Variants in SLC38A1 observed in about 807,000 individuals in gnomAD.
SLC38A1 encodes the protein solute carrier family 38 member 1.
A neutral mutation model predicts 60.3 loss-of-function variants in SLC38A1; 18 were observed. The ratio of observed to expected loss-of-function variants is 0.30; its 90% CI spans 0.21 to 0.44. SLC38A1 has a LOEUF of 0.44. SLC38A1 is among the 20% of genes least tolerant of loss of function. The probability of loss-of-function intolerance (pLI) is 1.00; values close to 1 mark genes in which losing one functional copy is unlikely to be tolerated. For synonymous variants in SLC38A1, 196 were observed against 212.1 expected (o/e 0.92, Z 0.66); for missense variants, 448 against 587.2 (o/e 0.76, Z 2.45).
intron 1 of SLC38A1, among the ~76,000 whole-genome samples, chr12:46,260,889 G>A (rs763767792): frequency 6.6e-6 from 1 of 152,082 alleles, no homozygotes; most frequent in Non-Finnish European, 1.5e-5. Context: ...ACCTATAGAG[G>A]CAGATTCTTC....
intron 3 of SLC38A1, among the ~76,000 whole-genome samples, chr12:46,234,446 C>CTTTTTTT (rs397791217): frequency 2.8e-5 from 4 of 140,716 alleles, no homozygotes; most frequent in South Asian, 4.4e-4. Flanking sequence ...TTCTTTCTTT[C>CTTTTTTT]TTTTTTTTTT....
chr12:46,189,086 A>G lies in SLC38A1; in HGVS notation c.1363-15T>C. On this transcript the variant is annotated splice_polypyrimidine_tract_variant and intron_variant, in intron 16 of 16. Transcript: ENST00000398637. Reference sequence around the variant, plus strand: ...AAAAGGGCAGCCTGGAGCAAGAGAAAGGCAAGGGTTATTTTCAGTGCAGCA... The same window carrying G: ...AAAAGGGCAGCCTGGAGCAAGAGAAGGGCAAGGGTTATTTTCAGTGCAGCA... 1 of 1,610,810 alleles carries G rather than the reference A, an allele frequency of 6.2e-7. No individual in the cohort carries two copies. Among genetic ancestry groups the G allele is most frequent in the Non-Finnish European group, 8.5e-7 (1 of 1,177,656 alleles).
chr12:46,198,517 A>T, intron 14 of SLC38A1, 108 bp downstream of exon 14: 1 of 688,744 alleles, frequency 1.5e-6, no homozygotes, highest in East Asian at 2.8e-5. Context: ...CAGATTCAAT[A>T]ACCCAGGAAA....
At chr12:46,224,302 C>T (rs1048287433) in intron 5 of SLC38A1, among the ~76,000 whole-genome samples, 5 of 152,026 alleles carry the variant, frequency 3.3e-5, no homozygotes, top group African/African-American at 1.2e-4. Context: ...ATCGAGAGTG[C>T]CCACCAGCAT....
intron 5 of SLC38A1, among the ~76,000 whole-genome samples, chr12:46,220,690 AC>A (rs1207946765): frequency 6.6e-6 from 1 of 152,186 alleles, no homozygotes; most frequent in African/African-American, 2.4e-5. Context: ...GTGTCATTCA[AC>A]CTTTTTGGCA....
chr12:46,253,607 C>A (rs1231006037), intron 1 of SLC38A1, among the ~76,000 whole-genome samples: 2 of 152,138 alleles, frequency 1.3e-5, no homozygotes, highest in East Asian at 3.9e-4. Flanking sequence ...TCATTAAGGT[C>A]TTTATGACCT....
rs140833580 is a variant in SLC38A1 at position 46,190,193 on chromosome 12, T to G, written c.1363-1122A>C. 9.7e-3 allele frequency among the ~76,000 whole-genome samples: 1,468 copies of G among 151,340 alleles called. 22 individuals are homozygous for G. The highest frequency in any genetic ancestry group is 0.034 in the African/African-American group (1,398 of 40,750). ...ATGAGTGAAAACATGCAGTGTTTGG[T>G]TTTTTGTCCTTGTGATAGTTTGCTT... On this transcript the variant is annotated intron_variant, in intron 16 of 16. Coordinates refer to ENST00000398637, the MANE Select transcript of SLC38A1 (RefSeq NM_030674.4).
chr12:46,204,448 T>C lies in SLC38A1; in HGVS notation c.706-31A>G, dbSNP rs760754841. On this transcript the variant is annotated intron_variant, in intron 10 of 16. Transcript: ENST00000398637. ...ATTAAGAAGTATAGTAGAAGCAATA[T>C]GGACTTTAGTAAAGCCAATGAATAA... The C allele has an allele frequency of 1.3e-5, 20 of 1,592,688 alleles. No individual in the cohort carries two copies. The African/African-American group carries it at 2.6e-4, about 20-fold the overall frequency.
intron 5 of SLC38A1, among the ~76,000 whole-genome samples, chr12:46,210,774 C>A (rs12828089): frequency 0.25 from 37,868 of 152,040 alleles, 6,046 homozygotes; most frequent in African/African-American, 0.45. Flanking sequence ...ATGTGTTGTT[C>A]GCCTTCCGCC....
At chr12:46,207,085 A>G in intron 8 of SLC38A1, 70 bp downstream of exon 8, 1 of 1,056,702 alleles carries the variant, frequency 9.5e-7, no homozygotes, top group Non-Finnish European at 1.4e-6. Flanking sequence ...CACAAGCAAG[A>G]ATTTTGATTG....
rs193083243 is a variant in SLC38A1 at position 46,207,435 on chromosome 12, G to A, written c.481+94C>T. On this transcript the variant is annotated intron_variant, in intron 7 of 16. Transcript: ENST00000398637. ...TTCCCTGTGCCATTTTAGCAATGAG[G>A]ATGATAACTGCTTGAATTATGTTAA... 21 of 1,261,236 alleles carry A rather than the reference G, an allele frequency of 1.7e-5. No individual in the cohort carries two copies. The South Asian group carries it at 2.4e-4, about 14-fold the overall frequency. 78.1% of individuals were successfully genotyped at this position (1,261,236 alleles called of 1,614,324 possible). A position where few individuals can be genotyped will look rare whatever the true frequency, so the allele number is the denominator to read the frequency against.
chr12:46,185,250 T>C lies in SLC38A1; in HGVS notation c.*3720A>G, dbSNP rs1402511623. Reference sequence around the variant, plus strand: ...ATGAGGTCCCCGATGATGCTGATGCTACTGGTCTAGGGGCCACACTTTGAG... The same window carrying C: ...ATGAGGTCCCCGATGATGCTGATGCCACTGGTCTAGGGGCCACACTTTGAG... On this transcript the variant is annotated 3_prime_UTR_variant, in exon 17 of 17. Transcript: ENST00000398637. 1 of 152,234 alleles carries C rather than the reference T, an allele frequency of 6.6e-6. No individual in the cohort carries two copies. The highest frequency in any genetic ancestry group is 1.5e-5 in the Non-Finnish European group (1 of 68,092). The allele number at this position is 152,234 out of a possible 1,614,324, so 9.4% of individuals were successfully genotyped here.
intron 16 of SLC38A1, among the ~76,000 whole-genome samples, chr12:46,193,439 T>C (rs189374577): frequency 6.6e-6 from 1 of 152,330 alleles, no homozygotes; most frequent in African/African-American, 2.4e-5. Context: ...TGTAGATGTC[T>C]ATGAGGTCCG....
intron 2 of SLC38A1, among the ~76,000 whole-genome samples, chr12:46,241,863 AG>A (rs1303009642): frequency 4.6e-5 from 7 of 152,226 alleles, no homozygotes; most frequent in Non-Finnish European, 8.8e-5. Flanking sequence ...CAGGGCTGAT[AG>A]AAAGTTAATT....
At chr12:46,249,777 C>T (rs1025832714) in intron 1 of SLC38A1, among the ~76,000 whole-genome samples, 1 of 152,134 alleles carries the variant, frequency 6.6e-6, no homozygotes, top group Non-Finnish European at 1.5e-5. Context: ...ACCCTCTCAA[C>T]ACTAAACCAG....
chr12:46,205,998 G>A lies in SLC38A1; in HGVS notation c.646+82C>T. On this transcript the variant is annotated intron_variant, in intron 9 of 16. Transcript: ENST00000398637. ...TTTGAGTGCATGCAGAGGGGAAGCA[G>A]AGGGCAACACTGTCCATTTTTATTC... 3 of 787,766 alleles carry A rather than the reference G, an allele frequency of 3.8e-6. No individual in the cohort carries two copies. The South Asian group carries it at 4.9e-5, about 13-fold the overall frequency. The allele number at this position is 787,766 out of a possible 1,614,324, so 48.8% of individuals were successfully genotyped here.
At chr12:46,262,095 A>C (rs774579529) in intron 1 of SLC38A1, among the ~76,000 whole-genome samples, 2 of 152,174 alleles carry the variant, frequency 1.3e-5, no homozygotes, top group African/African-American at 4.8e-5. Context: ...GGGCATGGAG[A>C]TGAACCGCTA....
rs1240869073 is a variant in SLC38A1 at position 46,187,044 on chromosome 12, T to C, written c.*1926A>G. On this transcript the variant is annotated 3_prime_UTR_variant, in exon 17 of 17. Coordinates refer to ENST00000398637, the MANE Select transcript of SLC38A1 (RefSeq NM_030674.4). ...GAACAGAGATGGCCATGGATATGGCTAGGTTAGGTATTCATATCCAAATAT... is the reference window on the plus strand; with the variant it reads ...GAACAGAGATGGCCATGGATATGGCCAGGTTAGGTATTCATATCCAAATAT... 5.9e-5 allele frequency: 9 copies of C among 152,220 alleles called. No individual in the cohort carries two copies. The highest frequency in any genetic ancestry group is 5.9e-4 in the Admixed American group (9 of 15,278). 9.4% of individuals were successfully genotyped at this position (152,220 alleles called of 1,614,324 possible).
At chr12:46,235,088 G>A (rs1194780867) in intron 3 of SLC38A1, among the ~76,000 whole-genome samples, 1 of 152,180 alleles carries the variant, frequency 6.6e-6, no homozygotes, top group African/African-American at 2.4e-5. Flanking sequence ...GGGTGATTGG[G>A]TGACCCTGAA....
Sources: allele counts gnomAD v4.1 joint callset (sites outside exome capture counted in the v4.1 genomes callset), GRCh38; gene constraint gnomAD v4.1.1; transcripts MANE v1.5; gene names NCBI Gene and HGNC (gene_info 2026-07-23, HGNC 2026-07-21).